Variants in ZNF749 observed in about 807,000 individuals in gnomAD.
The protein encoded by ZNF749 is zinc finger protein 749.
ZNF749 carries 8 observed loss-of-function variants against 7.3 expected under a neutral mutation model. The observed-to-expected ratio is 1.10, with a 90% CI of 0.64 to 1.98. ZNF749 has a LOEUF of 1.98. Ranked by LOEUF, ZNF749 falls within the 30% of genes most tolerant of loss-of-function variation. The pLI is 0.00. For synonymous variants in ZNF749, 310 were observed against 322.4 expected (o/e 0.96, Z 0.41); for missense variants, 898 against 932.4 (o/e 0.96, Z 0.48).
chr19:57,444,646 G>T lies in ZNF749; in HGVS notation c.1498G>T (p.Gly500Cys), dbSNP rs1299945350. ...CTTCCTTACACAGGCTCATCTGGTTGGTCACCAGAAAATCCATACTGGAGA... is the reference window on the plus strand; with the variant it reads ...CTTCCTTACACAGGCTCATCTGGTTTGTCACCAGAAAATCCATACTGGAGA... ...KAFLTQAHLV[G>C]HQKIHTGERP... The change falls in exon 3 of 3, where the codon GGT becomes TGT. Residue 500 changes from glycine (G) to cysteine (C), a missense_variant. Physicochemically the swap from Gly to Cys is radical, Grantham distance 159 (BLOSUM62 -3). Transcript: ENST00000334181. 6.2e-7 allele frequency: 1 copy of T among 1,610,050 alleles called. No individual in the cohort carries two copies. Among genetic ancestry groups the T allele is most frequent in the East Asian group, 2.2e-5 (1 of 44,754 alleles).
At chr19:57,440,572 A>C (rs935449826) in intron 1 of ZNF749, among the ~76,000 whole-genome samples, 3 of 152,130 alleles carry the variant, frequency 2.0e-5, no homozygotes, top group Non-Finnish European at 2.9e-5. Flanking sequence ...GTTCTGGTGC[A>C]CTGCAGGACT....
At chr19:57,432,288 AAAG>A (rs536829645), upstream of ZNF749, among the ~76,000 whole-genome samples, 132 of 151,762 alleles carry the variant, frequency 8.7e-4, no homozygotes, top group Non-Finnish European at 1.1e-3. Context: ...TTAAAAAAAA[AAAG>A]GAGGCGGGGC....
At chr19:57,429,867 T>G in the ZNF749 span, among the ~76,000 whole-genome samples, 1 of 152,198 alleles carries the variant, frequency 6.6e-6, no homozygotes, top group African/African-American at 2.4e-5. The surrounding 1 kb of genome is among the most constrained non-coding windows in gnomAD (Gnocchi z 4.2). Context: ...TTCCACATCC[T>G]TGACAACACT....
Position 57,443,230 on chromosome 19 carries a change from A to G in ZNF749, c.143-61A>G, listed in dbSNP as rs547628019. Reference sequence around the variant, plus strand: ...TGGGTGTGTCTCACAGACATTTGTGATGGGGCTGTCTCCTCCCTCCGGAGT... The same window carrying G: ...TGGGTGTGTCTCACAGACATTTGTGGTGGGGCTGTCTCCTCCCTCCGGAGT... On this transcript the variant is annotated intron_variant, in intron 2 of 2. Transcript: ENST00000334181. 9.7e-5 allele frequency: 138 copies of G among 1,428,552 alleles called. No individual in the cohort carries two copies. The African/African-American group carries it at 1.7e-3, about 17-fold the overall frequency. The allele number at this position is 1,428,552 out of a possible 1,614,324, so 88.5% of individuals were successfully genotyped here. A position where few individuals can be genotyped will look rare whatever the true frequency, so the allele number is the denominator to read the frequency against.
upstream of ZNF749, among the ~76,000 whole-genome samples, chr19:57,434,401 A>G (rs1220570598): frequency 2.0e-5 from 3 of 152,066 alleles, no homozygotes; most frequent in Admixed American, 2.0e-4. Flanking sequence ...CCGGCCCACA[A>G]CCCCTTAACC....
intron 1 of ZNF749, 69 bp downstream of exon 1, chr19:57,435,662 C>G (rs1040514159): frequency 1.3e-6 from 2 of 1,567,228 alleles, no homozygotes; most frequent in Non-Finnish European, 1.7e-6. Context: ...AGGAGCCGCC[C>G]TGCAGGTTAG....
In ZNF749 at chr19:57,445,190, C is replaced by G. The variant is rs534225360; in HGVS notation, c.2042C>G (p.Ser681Cys). The G allele has an allele frequency of 1.4e-5, 23 of 1,614,122 alleles. No individual in the cohort carries two copies. The East Asian group carries it at 5.1e-4, about 36-fold the overall frequency. The stretch of plus-strand genomic sequence containing the variant: ...TGTGGGAAGTTTCTTAGATACCGCT[C>G]TACATTCATTAAACATCATAAAGTT... ...SNCGKFLRYR[S>C]TFIKHHKVCT... The change falls in exon 3 of 3, where the codon TCT becomes TGT. Residue 681 changes from serine (S) to cysteine (C), a missense_variant. Transcript: ENST00000334181.
In ZNF749 at chr19:57,443,313, T is replaced by C. The variant is rs1222750528; in HGVS notation, c.165T>C (p.Asp55=). Residue 55 remains aspartate (D), a synonymous_variant, in exon 3 of 3, where the codon GAT becomes GAC. Coordinates refer to ENST00000334181, the MANE Select transcript of ZNF749 (RefSeq NM_001023561.4). Reference sequence around the variant, plus strand: ...CAGGTTGTTGGCATGGAGCCAAGGATGAGGAGGTACCTTCCAAGCAGTGTG... The same window carrying C: ...CAGGTTGTTGGCATGGAGCCAAGGACGAGGAGGTACCTTCCAAGCAGTGTG... ...SSVGCWHGAK[D]EEVPSKQCVS... The C allele has an allele frequency of 6.2e-7, 1 of 1,607,912 alleles. No homozygotes were observed. Among genetic ancestry groups the C allele is most frequent in the South Asian group, 1.1e-5 (1 of 90,412 alleles).
At chr19:57,432,561 T>TAAAA (rs750185614), upstream of ZNF749, among the ~76,000 whole-genome samples, 1 of 74,228 alleles carries the variant, frequency 1.3e-5, no homozygotes, top group Non-Finnish European at 2.6e-5. Context: ...GACTCTGTCT[T>TAAAA]AAAAAAAAAA....
At chr19:57,437,723 C>CA (rs35006340) in intron 1 of ZNF749, among the ~76,000 whole-genome samples, 2,014 of 55,310 alleles carry the variant, frequency 0.036, 31 homozygotes, top group Admixed American at 0.099. Context: ...GACACTGTCT[C>CA]AAAAAAAAAA....
chr19:57,433,591 C>A (rs1032344411), upstream of ZNF749, among the ~76,000 whole-genome samples: 10 of 148,710 alleles, frequency 6.7e-5, no homozygotes, highest in Non-Finnish European at 1.5e-4. Flanking sequence ...TTTTGCCAGA[C>A]CTTCAGTTGG....
chr19:57,443,426 T>C lies in ZNF749; in HGVS notation c.278T>C (p.Leu93Pro). The C allele has an allele frequency of 1.2e-6, 2 of 1,614,248 alleles. No homozygotes were observed. Among genetic ancestry groups the C allele is most frequent in the African/African-American group, 2.7e-5 (2 of 75,062 alleles). ...AQPCKMCSSI[L>P]KDILHLAEHD... is the part of the protein sequence containing the mutation. Reference sequence around the variant, plus strand: ...CCCTGCAAGATGTGTAGCTCAATTCTGAAGGACATTCTGCACCTGGCTGAG... The same window carrying C: ...CCCTGCAAGATGTGTAGCTCAATTCCGAAGGACATTCTGCACCTGGCTGAG... The change falls in exon 3 of 3, where the codon CTG (leucine) becomes CCG (proline). Residue 93 changes from leucine (L) to proline (P), a missense_variant. Transcript: ENST00000334181.
At position 57,439,986 on chromosome 19, in the gene ZNF749, C is replaced by T. The variant is rs1435458672; in HGVS notation, c.16-1899C>T. Among the ~76,000 whole-genome samples, 2 of 152,124 alleles carry T rather than the reference C, an allele frequency of 1.3e-5. No individual in the cohort carries two copies. Among genetic ancestry groups the T allele is most frequent in the African/African-American group, 2.4e-5 (1 of 41,434 alleles). ...AAGGAACAGACTGAGGACTGGGTGTCTCCACTGGGCACCTGGATGGTGTTG... is the reference window on the plus strand; with the variant it reads ...AAGGAACAGACTGAGGACTGGGTGTTTCCACTGGGCACCTGGATGGTGTTG... On this transcript the variant is annotated intron_variant, in intron 1 of 2. Transcript: ENST00000334181. This position sits in a 1 kb window ranked among gnomAD's most constrained non-coding sequence, Gnocchi z 4.3.
rs950150939 is a variant in ZNF749, at chr19:57,445,605, C to G, written c.*120C>G. On this transcript the variant is annotated 3_prime_UTR_variant, in exon 3 of 3. Coordinates refer to ENST00000334181, the MANE Select transcript of ZNF749 (RefSeq NM_001023561.4). The stretch of plus-strand genomic sequence containing the variant: ...ATGTTGAAAGAGTTCAGATGGAAAT[C>G]TGCGAGGATTTCCTGCTGGGAACTA... 115 of 1,462,196 alleles carry G rather than the reference C, an allele frequency of 7.9e-5. No homozygotes were observed. Among genetic ancestry groups the G allele is most frequent in the Non-Finnish European group, 9.7e-5 (107 of 1,101,898 alleles). The allele number at this position is 1,462,196 out of a possible 1,614,324, so 90.6% of individuals were successfully genotyped here. A position where few individuals can be genotyped will look rare whatever the true frequency, so the allele number is the denominator to read the frequency against.
In ZNF749 at chr19:57,442,046, T is replaced by C; in HGVS notation, c.142+35T>C. On this transcript the variant is annotated intron_variant, in intron 2 of 2. Transcript: ENST00000334181. This position sits in a 1 kb window ranked among gnomAD's most constrained non-coding sequence, Gnocchi z 6.6. Reference sequence around the variant, plus strand: ...TCATACCTACTCTGGTGTCTTGTGCTGGGTGCTGTTTTTTTGCTCTTTTCC... The same window carrying C: ...TCATACCTACTCTGGTGTCTTGTGCCGGGTGCTGTTTTTTTGCTCTTTTCC... The C allele has an allele frequency of 6.2e-7, 1 of 1,602,928 alleles. No individual in the cohort carries two copies. The highest frequency in any genetic ancestry group is 8.5e-7 in the Non-Finnish European group (1 of 1,174,230).
chr19:57,441,916 A>G lies in ZNF749; in HGVS notation c.47A>G (p.Tyr16Cys). The G allele has an allele frequency of 6.2e-7, 1 of 1,614,148 alleles. No individual in the cohort carries two copies. Among genetic ancestry groups the G allele is most frequent in the Non-Finnish European group, 8.5e-7 (1 of 1,180,010 alleles). ...ATGGTCTTTGAGGATGTGGCCATAT[A>G]TTTCTCCCAAGAGGAATGGGGGATC... ...DCMVFEDVAI[Y>C]FSQEEWGILN... is the part of the protein sequence containing the mutation. The change falls in exon 2 of 3, where the codon TAT becomes TGT. Residue 16 changes from tyrosine (Y) to cysteine (C), a missense_variant. Tyr to Cys is a radical substitution (Grantham distance 194). Coordinates refer to ENST00000334181, the MANE Select transcript of ZNF749 (RefSeq NM_001023561.4).
intron 1 of ZNF749, among the ~76,000 whole-genome samples, chr19:57,441,138 A>AAT (rs398035104): frequency 2.0e-5 from 3 of 148,374 alleles, no homozygotes; most frequent in Non-Finnish European, 4.5e-5. Flanking sequence ...AAAAAAAAAA[A>AAT]GAGGGTAGGG....
chr19:57,443,243 C>T (rs1249677091), intron 2 of ZNF749, 48 bp from the exon 3 acceptor site: 3 of 1,506,968 alleles, frequency 2.0e-6, no homozygotes, highest in Admixed American at 1.8e-5. Context: ...GGGCTGTCTC[C>T]TCCCTCCGGA....
chr19:57,435,307 C>T, upstream of ZNF749: 1 of 591,362 alleles, frequency 1.7e-6, no homozygotes, highest in African/African-American at 1.9e-5. Flanking sequence ...CTAATGAGGT[C>T]TCAATTGTGT....
Sources: gnomAD v4.1 joint callset for allele counts (sites outside exome capture counted in the v4.1 genomes callset) on GRCh38, gnomAD v4.1.1 for gene constraint, Gnocchi (gnomAD v3.1) non-coding constraint, MANE v1.5 for transcripts, NCBI Gene and HGNC (gene_info 2026-07-23, HGNC 2026-07-21) for gene names.